POMT2: variants seen among roughly 807,000 people sequenced by gnomAD.
POMT2 encodes protein O-mannosyltransferase 2.
Under a neutral mutation model 100.0 loss-of-function variants are expected in POMT2, and 75 were observed. That is an observed-to-expected ratio of 0.75 (90% CI 0.62 to 0.91). The LOEUF (loss-of-function observed/expected upper bound fraction) is 0.91, where lower values mean the gene tolerates loss of function less well. POMT2 is among the 40% of genes least tolerant of loss of function. The pLI is 0.00. For missense variants in POMT2, 940 were observed against 955.1 expected (o/e 0.98, Z 0.21); for synonymous variants, 378 against 374.1 (o/e 1.01, Z -0.12).
At chr14:77,298,802 A>C in intron 7 of POMT2, 31 bp from the exon 8 acceptor site, 1 of 1,590,456 alleles carries the variant, frequency 6.3e-7, no homozygotes, top group African/African-American at 1.3e-5. Flanking sequence ...GAAGAGAGTC[A>C]AGTTAAAGGA....
At chr14:77,311,797 T>C (rs1201856007) in intron 2 of POMT2, 152 bp downstream of exon 2, 2 of 1,314,636 alleles carry the variant, frequency 1.5e-6, no homozygotes, top group African/African-American at 3.0e-5. Context: ...CCAGAGATTT[T>C]CCATGAAAGT....
chr14:77,284,931 A>C lies in POMT2; in HGVS notation c.1576+19T>G. ...AAATGCTTCCCTCCAGAGCCAGCCC[A>C]GAAAGTGACCTCACTCACACTTGGG... On this transcript the variant is annotated intron_variant, in intron 14 of 20. Coordinates refer to ENST00000261534, the MANE Select transcript of POMT2 (RefSeq NM_013382.7). The C allele has an allele frequency of 6.3e-7, 1 of 1,578,760 alleles. No individual in the cohort carries two copies.
intron 9 of POMT2, 152 bp from the exon 10 acceptor site, chr14:77,291,532 C>A (rs553775915): frequency 2.0e-6 from 2 of 1,008,682 alleles, no homozygotes; most frequent in East Asian, 2.6e-5. Context: ...CCATGTTTCC[C>A]AATGGGGCTC....
rs189035703 is a variant in POMT2 at position 77,317,228 on chromosome 14, C to A, written c.248+3206G>T. ...CACATTGCAAGGGGCACTGACCACA[C>A]CTGCTCCTGGGAGATTGACATTAGG... On this transcript the variant is annotated intron_variant, in intron 1 of 20. Transcript: ENST00000261534. 1.1e-3 allele frequency among the ~76,000 whole-genome samples: 166 copies of A among 152,376 alleles called. 1 individual carries two copies. The highest frequency in any genetic ancestry group is 3.7e-3 in the African/African-American group (154 of 41,602).
rs1398767355 is a variant in POMT2, at chr14:77,276,578, TG to T, written c.*797del. ...GACCTGGCCTCTGGCACACAGGGCC[TG>T]GGAACACTGAGCAGCCCAGGATAGG... On this transcript the variant is annotated 3_prime_UTR_variant, in exon 21 of 21. Coordinates refer to ENST00000261534, the MANE Select transcript of POMT2 (RefSeq NM_013382.7). 1.3e-5 allele frequency: 2 copies of T among 152,412 alleles called. No individual in the cohort carries two copies. Among genetic ancestry groups the T allele is most frequent in the East Asian group, 3.9e-4 (2 of 5,172 alleles). 9.4% of individuals were successfully genotyped at this position (152,412 alleles called of 1,614,324 possible). A position where few individuals can be genotyped will look rare whatever the true frequency, so the allele number is the denominator to read the frequency against.
In POMT2 at chr14:77,299,508, G is replaced by A. The variant is rs1003348896; in HGVS notation, c.870C>T (p.Pro290=). 4.3e-6 allele frequency: 7 copies of A among 1,614,006 alleles called. No individual in the cohort carries two copies. The African/African-American group carries it at 5.3e-5, about 12-fold the overall frequency. The change falls in exon 7 of 21, where the codon CCC becomes CCT. Residue 290 remains proline (P), a synonymous_variant. Coordinates refer to ENST00000261534, the MANE Select transcript of POMT2 (RefSeq NM_013382.7). ...CAAAGGTGGCTGTATAGAGAGCCAG[G>A]GGCAGCACTATGAGGCACAGGACAC... The part of the protein sequence containing the change: ...TARVLCLIVL[P]LALYTATFAV...
At chr14:77,304,508 T>C (rs1256123474) in intron 4 of POMT2, among the ~76,000 whole-genome samples, 184 bp downstream of exon 4, 3 of 152,232 alleles carry the variant, frequency 2.0e-5, no homozygotes, top group Non-Finnish European at 4.4e-5. Flanking sequence ...AAAGGCTTGT[T>C]ATATATAACT....
In POMT2 at chr14:77,278,769, G is replaced by T. The variant is rs143329994; in HGVS notation, c.1992C>A (p.His664Gln). ...FFLMGRVLYFHHYFPAMLFSS... is the reference protein window; with the variant it reads ...FFLMGRVLYFQHYFPAMLFSS... ...AGAAGAGCATGGCTGGGAAGTAGTGGTGGAAGTAGAGGACCCGGCCCATCA... is the reference window on the plus strand; with the variant it reads ...AGAAGAGCATGGCTGGGAAGTAGTGTTGGAAGTAGAGGACCCGGCCCATCA... The change falls in exon 19 of 21, where the codon CAC becomes CAA. Residue 664 changes from histidine (H) to glutamine (Q), a missense_variant. By Grantham distance (24) the His-to-Gln change is conservative. Coordinates refer to ENST00000261534, the MANE Select transcript of POMT2 (RefSeq NM_013382.7). 4 of 1,613,988 alleles carry T rather than the reference G, an allele frequency of 2.5e-6. No homozygotes were observed. The highest frequency in any genetic ancestry group is 3.4e-6 in the Non-Finnish European group (4 of 1,179,942).
In POMT2 at chr14:77,285,562, T is replaced by C. The variant is rs774718832; in HGVS notation, c.1403A>G (p.Lys468Arg). 6.2e-7 allele frequency: 1 copy of C among 1,614,156 alleles called. No individual in the cohort carries two copies. Among genetic ancestry groups the C allele is most frequent in the South Asian group, 1.1e-5 (1 of 91,086 alleles). The part of the protein sequence containing the change: ...VVNRKFGNRI[K>R]VLRSRIRFIH... ...GAAGCGAATTCGACTTCTCAGCACT[T>C]TGATCCGGTTTCCAAATTTCCTGTT... is the stretch of plus-strand genomic sequence containing the variant. The change falls in exon 13 of 21, where the codon AAA (lysine) becomes AGA (arginine). Residue 468 changes from lysine to arginine, a missense_variant. Transcript: ENST00000261534.
intron 8 of POMT2, among the ~76,000 whole-genome samples, chr14:77,296,892 G>A (rs1890852005): frequency 6.6e-6 from 1 of 152,182 alleles, no homozygotes; most frequent in African/African-American, 2.4e-5. Context: ...TGTTCATTCA[G>A]TGGACCAGAA....
At chr14:77,284,588 G>C (rs545755992) in intron 14 of POMT2, among the ~76,000 whole-genome samples, 2 of 152,034 alleles carry the variant, frequency 1.3e-5, no homozygotes, top group African/African-American at 2.4e-5. Context: ...CTGGATATGT[G>C]GGGGGGCGGG....
intron 2 of POMT2, 110 bp downstream of exon 2, chr14:77,311,839 A>G: frequency 7.4e-6 from 11 of 1,486,828 alleles, no homozygotes; most frequent in Non-Finnish European, 9.9e-6. Flanking sequence ...AATTCTTTCT[A>G]CAAGTCCCAA....
At chr14:77,304,838 G>A in intron 3 of POMT2, 38 bp from the exon 4 acceptor site, 1 of 1,556,884 alleles carries the variant, frequency 6.4e-7, no homozygotes, top group Non-Finnish European at 8.7e-7. Flanking sequence ...ATAACAAGCT[G>A]AGCTAGGTCA....
chr14:77,292,671 A>G (rs144599938), intron 9 of POMT2, among the ~76,000 whole-genome samples: 91 of 152,376 alleles, frequency 6.0e-4, no homozygotes, highest in Admixed American at 9.1e-4. Context: ...GGTCAACAAC[A>G]AACTGCATAT....
In POMT2 at chr14:77,318,930, T is replaced by C. The variant is rs1566665307; in HGVS notation, c.248+1504A>G. On this transcript the variant is annotated intron_variant, in intron 1 of 20. Coordinates refer to ENST00000261534, the MANE Select transcript of POMT2 (RefSeq NM_013382.7). ...CTTGTATTTTCAGTTGAGACGGAGT[T>C]TCACCATGTTGGCCAGGTTGGTCTC... 4.6e-5 allele frequency among the ~76,000 whole-genome samples: 7 copies of C among 152,258 alleles called. 1 individual carries two copies. The East Asian group carries it at 1.2e-3, about 25-fold the overall frequency.
At chr14:77,284,024 T>C (rs1890327628) in intron 14 of POMT2, 151 bp from the exon 15 acceptor site, 2 of 723,724 alleles carry the variant, frequency 2.8e-6, no homozygotes, top group Admixed American at 2.0e-5. Context: ...GCCCAATTCT[T>C]GATCATTTAC....
chr14:77,294,014 AT>A (rs1890734736), intron 9 of POMT2, among the ~76,000 whole-genome samples: 2 of 152,342 alleles, frequency 1.3e-5, no homozygotes, highest in South Asian at 4.1e-4. Context: ...CCAAAAATGC[AT>A]AATGCATGGG....
At chr14:77,306,265 G>A in intron 3 of POMT2, 72 bp downstream of exon 3, 1 of 1,596,270 alleles carries the variant, frequency 6.3e-7, no homozygotes, top group Non-Finnish European at 8.6e-7. Flanking sequence ...CGCCAGGGCT[G>A]CTAACTATAA....
At position 77,320,751 on chromosome 14, in the gene POMT2, G is replaced by A. The variant is rs1328958049; in HGVS notation, c.-70C>T. ...GTCTGACCAGCCGCCCCGCCAAGGA[G>A]TCACAAGAGGGCAGCTCGGGGTACC... is the stretch of plus-strand genomic sequence containing the variant. On this transcript the variant is annotated 5_prime_UTR_variant, in exon 1 of 21. Transcript: ENST00000261534. The A allele has an allele frequency of 6.4e-7, 1 of 1,558,314 alleles. No individual in the cohort carries two copies. Among genetic ancestry groups the A allele is most frequent in the Non-Finnish European group, 8.6e-7 (1 of 1,161,906 alleles).
Sources: allele counts gnomAD v4.1 joint callset (sites outside exome capture counted in the v4.1 genomes callset), GRCh38; gene constraint gnomAD v4.1.1; transcripts MANE v1.5; gene names NCBI Gene and HGNC (gene_info 2026-07-23, HGNC 2026-07-21).